The following GPC3 variants were observed in gnomAD, a reference collection of about 807,000 sequenced individuals.
The protein encoded by GPC3 is glypican 3.
In GPC3, 3 loss-of-function variants were observed where a neutral mutation model predicts 34.4. That is an observed-to-expected ratio of 0.09 (90% CI 0.04 to 0.23). The LOEUF is 0.23. Ranked by LOEUF, GPC3 falls within the 10% of genes least tolerant of loss-of-function variation. GPC3 has a pLI of 1.00. For synonymous variants in GPC3, 177 were observed against 174.0 expected (o/e 1.02, Z -0.13); for missense variants, 351 against 445.6 (o/e 0.79, Z 1.91).
intron 2 of GPC3, among the ~76,000 whole-genome samples, chrX:133,818,437 C>A (rs1051238317): frequency 2.7e-5 from 3 of 111,578 alleles, no homozygotes; most frequent in Admixed American, 9.5e-5. Flanking sequence ...GAATGGAGAG[C>A]CACCCACCCT....
At position 133,606,279 on chromosome X, in the gene GPC3, A is replaced by G. The variant is rs188770469; in HGVS notation, c.1414-9680T>C. On this transcript the variant is annotated intron_variant, in intron 6 of 7. Coordinates refer to ENST00000370818, the MANE Select transcript of GPC3 (RefSeq NM_004484.4). ...GTGGAAAATTTCCAATAATATTACC[A>G]ATAGCTTAGAAGTGTATAGGGTTTG... Among the ~76,000 whole-genome samples the G allele has an allele frequency of 1.8e-3, 198 of 111,995 alleles. 1 individual carries two copies. The highest frequency in any genetic ancestry group is 6.1e-3 in the African/African-American group (190 of 30,900).
chrX:133,958,068 T>A, intron 1 of GPC3, among the ~76,000 whole-genome samples: 1 of 112,317 alleles, frequency 8.9e-6, no homozygotes, highest in South Asian at 3.7e-4. Context: ...GATTAAAAAG[T>A]ACCTTCATAC....
At chrX:133,638,360 C>G (rs2070449117) in intron 6 of GPC3, among the ~76,000 whole-genome samples, 1 of 111,849 alleles carries the variant, frequency 8.9e-6, no homozygotes, top group Non-Finnish European at 1.9e-5. Context: ...TCCTCTGTCC[C>G]CTTCCTTCCC....
chrX:133,872,926 T>C (rs1302212097), intron 2 of GPC3, among the ~76,000 whole-genome samples: 2 of 112,423 alleles, frequency 1.8e-5, no homozygotes, highest in Admixed American at 1.9e-4. Context: ...GATGGCTGCC[T>C]CCCTCACTTA....
chrX:133,933,691 C>T (rs1249835097), intron 2 of GPC3, among the ~76,000 whole-genome samples: 1 of 108,653 alleles, frequency 9.2e-6, no homozygotes, highest in Non-Finnish European at 1.9e-5. Context: ...GGCCCTTCTC[C>T]CCCTCACTCT....
intron 2 of GPC3, among the ~76,000 whole-genome samples, chrX:133,846,795 T>C (rs1030334225): frequency 5.3e-5 from 6 of 112,337 alleles, no homozygotes; most frequent in African/African-American, 1.9e-4. Flanking sequence ...CTGTTAGTTA[T>C]AGATGAAGAA....
chrX:133,905,031 T>G (rs1166986646), intron 2 of GPC3, among the ~76,000 whole-genome samples: 1 of 112,206 alleles, frequency 8.9e-6, no homozygotes, highest in Non-Finnish European at 1.9e-5. Context: ...GGGTACCATC[T>G]GCTCTTTTCA....
At chrX:133,689,385 C>T (rs1227059745) in intron 5 of GPC3, among the ~76,000 whole-genome samples, 1 of 111,555 alleles carries the variant, frequency 9.0e-6, no homozygotes, top group African/African-American at 3.3e-5. Flanking sequence ...AACTTTTGGA[C>T]TCATTCAAAT....
chrX:133,797,646 T>C (rs1446139215), intron 2 of GPC3, among the ~76,000 whole-genome samples: 1 of 110,824 alleles, frequency 9.0e-6, no homozygotes, highest in Non-Finnish European at 1.9e-5. Context: ...CTGGCCAACA[T>C]GTCGAAACCC....
intron 4 of GPC3, among the ~76,000 whole-genome samples, chrX:133,693,722 G>A (rs2071088192): frequency 8.9e-6 from 1 of 111,732 alleles, no homozygotes; most frequent in Non-Finnish European, 1.9e-5. Flanking sequence ...GAAGACTGGT[G>A]AAAATATCCT....
Position 133,596,594 on chromosome X carries a change from C to A in GPC3, c.1419G>T (p.Leu473=), listed in dbSNP as rs2069919503. The A allele has an allele frequency of 2.5e-6, 3 of 1,210,693 alleles. No homozygotes were observed. The South Asian group carries it at 5.3e-5, about 21-fold the overall frequency. ...TACCTTTGGGCATAGACATGGTTCTCAGGAGCTGAAAGAAAACAACCAGGA... is the reference window on the plus strand; with the variant it reads ...TACCTTTGGGCATAGACATGGTTCTAAGGAGCTGAAAGAAAACAACCAGGA... The part of the protein sequence containing the change: ...IDKLKHINQL[L]RTMSMPKGRV... The change falls in exon 7 of 8, where the codon CTG becomes CTT. Residue 473 remains leucine, a synonymous_variant. Transcript: ENST00000370818.
chrX:133,813,877 C>T (rs1194702396), intron 2 of GPC3, among the ~76,000 whole-genome samples: 1 of 111,995 alleles, frequency 8.9e-6, no homozygotes, highest in Non-Finnish European at 1.9e-5. Flanking sequence ...GGGTGAATGG[C>T]ATTAAGATGC....
chrX:133,913,551 G>C (rs1364602156), intron 2 of GPC3, among the ~76,000 whole-genome samples: 1 of 112,127 alleles, frequency 8.9e-6, no homozygotes, highest in Non-Finnish European at 1.9e-5. Flanking sequence ...GTCCAGACAT[G>C]CAAGAACAGA....
At chrX:133,550,415 T>G (rs2069424595) in intron 7 of GPC3, among the ~76,000 whole-genome samples, 1 of 111,632 alleles carries the variant, frequency 9.0e-6, no homozygotes, top group South Asian at 3.8e-4. Context: ...TCTCTGAGTA[T>G]TAATTGAATT....
At chrX:133,655,031 CTCA>C (rs1369876462) in intron 6 of GPC3, among the ~76,000 whole-genome samples, 1 of 111,753 alleles carries the variant, frequency 8.9e-6, no homozygotes, top group African/African-American at 3.3e-5. Context: ...CCATTTCTGA[CTCA>C]TCTTCCATTT....
chrX:133,577,547 T>C lies in GPC3; in HGVS notation c.1573+18893A>G, dbSNP rs2069696282. On this transcript the variant is annotated intron_variant, in intron 7 of 7. Coordinates refer to ENST00000370818, the MANE Select transcript of GPC3 (RefSeq NM_004484.4). ...GGGTGGAAGTGTTTTTATTACAGCA[T>C]TCATCAAATGAGGTGCTCTGGGGGA... is the stretch of plus-strand genomic sequence containing the variant. Among the ~76,000 whole-genome samples, 3 of 111,596 alleles carry C rather than the reference T, an allele frequency of 2.7e-5. No homozygotes were observed. The East Asian group carries it at 8.4e-4, about 31-fold the overall frequency.
chrX:133,665,563 A>T (rs958745329), intron 5 of GPC3, among the ~76,000 whole-genome samples: 3 of 112,496 alleles, frequency 2.7e-5, no homozygotes, highest in Non-Finnish European at 5.6e-5. Context: ...TTTGTAGCAA[A>T]GATGCTGAAG....
chrX:133,975,429 C>T (rs1925250392), intron 1 of GPC3, among the ~76,000 whole-genome samples: 1 of 111,909 alleles, frequency 8.9e-6, no homozygotes, highest in Admixed American at 9.5e-5. Flanking sequence ...TACATGAAAG[C>T]CCCCTCTTTT....
At chrX:133,827,156 A>G (rs1406436544) in intron 2 of GPC3, among the ~76,000 whole-genome samples, 4 of 111,977 alleles carry the variant, frequency 3.6e-5, no homozygotes, top group South Asian at 7.4e-4. Context: ...AGACATTCCC[A>G]GATAAACAAA....
Sources: allele counts gnomAD v4.1 joint callset (sites outside exome capture counted in the v4.1 genomes callset), GRCh38; gene constraint gnomAD v4.1.1; transcripts MANE v1.5; gene names NCBI Gene and HGNC (gene_info 2026-07-23, HGNC 2026-07-21).